Variants in CHCHD3 observed in about 807,000 individuals in gnomAD.
CHCHD3 encodes MICOS complex subunit MIC19.
Under a neutral mutation model 38.2 loss-of-function variants are expected in CHCHD3, and 20 were observed. The observed-to-expected ratio is 0.52, with a 90% CI of 0.37 to 0.76. CHCHD3 has a LOEUF of 0.76. Ranked by LOEUF, CHCHD3 falls within the 30% of genes least tolerant of loss-of-function variation. The pLI, the probability that CHCHD3 is intolerant of heterozygous loss-of-function variation, is 0.00. For synonymous variants in CHCHD3, 82 were observed against 100.0 expected (o/e 0.82, Z 1.07); for missense variants, 245 against 279.2 (o/e 0.88, Z 0.87).
chr7:132,970,207 A>G lies in CHCHD3; in HGVS notation c.369+4962T>C, dbSNP rs908922012. ...CCCACGTTTCCAAGCTTTTGCCTGC[A>G]ATACCTAAGGCTGTTTCATCCCACT... On this transcript the variant is annotated intron_variant, in intron 4 of 7. Coordinates refer to ENST00000262570, the MANE Select transcript of CHCHD3 (RefSeq NM_017812.4). Among the ~76,000 whole-genome samples, 4 of 152,288 alleles carry G rather than the reference A, an allele frequency of 2.6e-5. No homozygotes were observed. In the South Asian group the frequency reaches 8.3e-4, roughly 32 times the overall value.
intron 4 of CHCHD3, among the ~76,000 whole-genome samples, chr7:132,945,970 A>G (rs1347810252): frequency 1.3e-5 from 2 of 151,950 alleles, no homozygotes; most frequent in Admixed American, 1.3e-4. Flanking sequence ...TTTTTATTGA[A>G]AATGATAACC....
intron 3 of CHCHD3, among the ~76,000 whole-genome samples, chr7:132,990,951 T>TACACACACACACACACAC (rs768136991): frequency 0.012 from 1,706 of 143,738 alleles, 39 homozygotes; most frequent in African/African-American, 0.041. Flanking sequence ...CAGACACACA[T>TACACACACACACACACAC]ACACACACAC....
intron 2 of CHCHD3, among the ~76,000 whole-genome samples, chr7:133,059,878 T>C (rs995999852): frequency 6.6e-6 from 1 of 152,184 alleles, no homozygotes; most frequent in Non-Finnish European, 1.5e-5. Flanking sequence ...TCCACAAACA[T>C]TTATGAGGCA....
intron 4 of CHCHD3, among the ~76,000 whole-genome samples, chr7:132,916,205 G>A (rs1403972411): frequency 6.6e-6 from 1 of 152,088 alleles, no homozygotes; most frequent in Non-Finnish European, 1.5e-5. Context: ...TCCATTATGT[G>A]TAGTTCCACT....
At chr7:132,897,933 G>T (rs1430054890) in intron 4 of CHCHD3, among the ~76,000 whole-genome samples, 1 of 152,126 alleles carries the variant, frequency 6.6e-6, no homozygotes, top group Non-Finnish European at 1.5e-5. Context: ...TGTTCCTTCT[G>T]ATGTTCAGAT....
intron 6 of CHCHD3, among the ~76,000 whole-genome samples, chr7:132,818,384 T>C (rs6975749): frequency 0.36 from 55,383 of 152,096 alleles, 10,764 homozygotes; most frequent in East Asian, 0.72. Context: ...CCAGTTTTAA[T>C]TGAGCCAGAA....
chr7:132,803,406 C>T (rs971452786), intron 6 of CHCHD3, among the ~76,000 whole-genome samples: 4 of 152,106 alleles, frequency 2.6e-5, no homozygotes, highest in African/African-American at 9.7e-5. Context: ...CTCCTGACTT[C>T]GTAAAACAAC....
intron 5 of CHCHD3, among the ~76,000 whole-genome samples, chr7:132,866,807 C>T (rs1259763928): frequency 6.6e-6 from 1 of 152,186 alleles, no homozygotes; most frequent in African/African-American, 2.4e-5. Context: ...AAACCTGGCA[C>T]TTTCTGAAAA....
intron 1 of CHCHD3, among the ~76,000 whole-genome samples, chr7:133,076,431 A>C (rs1444354943): frequency 6.6e-6 from 1 of 152,174 alleles, no homozygotes. Flanking sequence ...CCACCATTCT[A>C]ATATAAGGGG....
chr7:132,809,297 C>G (rs2117048522), intron 6 of CHCHD3, among the ~76,000 whole-genome samples: 1 of 152,242 alleles, frequency 6.6e-6, no homozygotes, highest in South Asian at 2.1e-4. Context: ...TTGTTAGTTC[C>G]TGTTTTAAAA....
intron 5 of CHCHD3, among the ~76,000 whole-genome samples, chr7:132,873,123 G>C (rs554690518): frequency 6.6e-6 from 1 of 151,838 alleles, no homozygotes; most frequent in Non-Finnish European, 1.5e-5. Context: ...ATGAAGAGGG[G>C]GAGGATGAAA....
Position 132,834,340 on chromosome 7 carries a change from C to T in CHCHD3, c.524+4059G>A, listed in dbSNP as rs887188232. Among the ~76,000 whole-genome samples the T allele has an allele frequency of 3.3e-5, 5 of 152,228 alleles. No homozygotes were observed. In the South Asian group the frequency reaches 6.2e-4, roughly 19 times the overall value. ...AATCAAAATACAACATTCTAGGAAG[C>T]TCAGCCTAGCAGGAAGTAGCTGGGA... On this transcript the variant is annotated intron_variant, in intron 6 of 7. Coordinates refer to ENST00000262570, the MANE Select transcript of CHCHD3 (RefSeq NM_017812.4).
intron 2 of CHCHD3, among the ~76,000 whole-genome samples, chr7:133,032,952 C>T (rs1239774484): frequency 6.6e-6 from 1 of 152,078 alleles, no homozygotes; most frequent in African/African-American, 2.4e-5. Context: ...AAATGAAGTA[C>T]AGAAACCACC....
intron 4 of CHCHD3, among the ~76,000 whole-genome samples, chr7:132,930,237 G>A (rs1011941654): frequency 2.1e-5 from 3 of 143,262 alleles, no homozygotes; most frequent in Admixed American, 7.4e-5. Context: ...TGCAATCTCC[G>A]CTCACTGCAA....
intron 3 of CHCHD3, among the ~76,000 whole-genome samples, chr7:132,981,707 A>G (rs1811922559): frequency 6.6e-6 from 1 of 152,238 alleles, no homozygotes; most frequent in African/African-American, 2.4e-5. Flanking sequence ...ATTCTATACA[A>G]TTCTAGCTTA....
intron 4 of CHCHD3, among the ~76,000 whole-genome samples, chr7:132,922,560 CT>C (rs34127740): frequency 0.22 from 32,171 of 146,742 alleles, 3,591 homozygotes; most frequent in South Asian, 0.28. Flanking sequence ...CCTCTCTATA[CT>C]TTTTTTTTTT....
intron 6 of CHCHD3, among the ~76,000 whole-genome samples, chr7:132,823,521 A>G (rs749832693): frequency 3.9e-5 from 6 of 152,220 alleles, no homozygotes; most frequent in Non-Finnish European, 8.8e-5. Flanking sequence ...TGTATTATTT[A>G]TCAATTTCAT....
intron 3 of CHCHD3, among the ~76,000 whole-genome samples, chr7:133,002,176 G>A (rs1398518714): frequency 6.6e-6 from 1 of 152,208 alleles, no homozygotes; most frequent in Non-Finnish European, 1.5e-5. Flanking sequence ...TTCAAAGAGA[G>A]AAAAGAGTTA....
chr7:133,039,117 C>A (rs1315460540), intron 2 of CHCHD3, among the ~76,000 whole-genome samples: 1 of 152,100 alleles, frequency 6.6e-6, no homozygotes, highest in Non-Finnish European at 1.5e-5. Flanking sequence ...ATTCAACAAA[C>A]CAATTTCTTT....
Sources: allele counts gnomAD v4.1 joint callset (sites outside exome capture counted in the v4.1 genomes callset), GRCh38; gene constraint gnomAD v4.1.1; transcripts MANE v1.5; gene names NCBI Gene and HGNC (gene_info 2026-07-23, HGNC 2026-07-21).